The following SCAPER variants were observed in gnomAD, a reference collection of about 807,000 sequenced individuals.
SCAPER encodes the protein S phase cyclin A-associated protein in the endoplasmic reticulum.
SCAPER carries 98 observed loss-of-function variants against 182.2 expected under a neutral mutation model. The observed-to-expected ratio is 0.54, with a 90% CI of 0.46 to 0.64. The LOEUF (loss-of-function observed/expected upper bound fraction) is 0.64. SCAPER is among the 30% of genes least tolerant of loss of function. SCAPER has a pLI of 0.00. For missense variants in SCAPER, 1,432 were observed against 1,690.0 expected (o/e 0.85, Z 2.68); for synonymous variants, 605 against 564.6 (o/e 1.07, Z -1.01).
chr15:76,384,987 A>C (rs918938091), intron 27 of SCAPER, among the ~76,000 whole-genome samples: 3 of 152,230 alleles, frequency 2.0e-5, no homozygotes, highest in African/African-American at 7.2e-5. Flanking sequence ...TAAGATCTGA[A>C]ATTTTGTATA....
chr15:76,654,280 C>T (rs532374366), intron 21 of SCAPER, among the ~76,000 whole-genome samples: 15 of 152,098 alleles, frequency 9.9e-5, no homozygotes, highest in South Asian at 8.3e-4. Flanking sequence ...TGGTGGTGGG[C>T]GCCTGTAGTC....
chr15:76,394,950 G>A (rs1048393652), intron 27 of SCAPER, among the ~76,000 whole-genome samples: 1 of 151,896 alleles, frequency 6.6e-6, no homozygotes, highest in Non-Finnish European at 1.5e-5. Context: ...TCATTCTAAC[G>A]CTTTTATTTT....
In SCAPER at chr15:76,404,531, T is replaced by C. The variant is rs2044687122; in HGVS notation, c.3460A>G (p.Thr1154Ala). The C allele has an allele frequency of 6.2e-7, 1 of 1,600,988 alleles. No homozygotes were observed. The highest frequency in any genetic ancestry group is 1.3e-5 in the African/African-American group (1 of 74,614). ...ATCAAGTAGATGCCTTACCTTCCAG[T>C]GACAGCAAAGCACAGTGTACACATT... ...HAMCTLCFAV[T>A]GRSYSIFDNN... Residue 1154 changes from threonine (T) to alanine (A), a missense_variant, in exon 27 of 32, where the codon ACT (threonine) becomes GCT (alanine). Thr to Ala is a moderately conservative substitution (Grantham distance 58). Transcript: ENST00000563290.
At chr15:76,626,481 C>T (rs920222011) in intron 21 of SCAPER, among the ~76,000 whole-genome samples, 1 of 152,216 alleles carries the variant, frequency 6.6e-6, no homozygotes, top group African/African-American at 2.4e-5. Context: ...CTTTGAGAGG[C>T]TGAGGCGGGT....
intron 22 of SCAPER, among the ~76,000 whole-genome samples, chr15:76,595,326 G>C (rs2049414258): frequency 8.3e-6 from 1 of 121,118 alleles, no homozygotes; most frequent in Admixed American, 9.5e-5. Context: ...AGTTCTTAGA[G>C]ACGTACAAAG....
chr15:76,721,132 C>T (rs1415190504), intron 17 of SCAPER, among the ~76,000 whole-genome samples: 1 of 152,174 alleles, frequency 6.6e-6, no homozygotes, highest in Admixed American at 6.5e-5. Flanking sequence ...CCAGTTTCAG[C>T]TTTCTACATA....
intron 24 of SCAPER, among the ~76,000 whole-genome samples, chr15:76,483,769 T>C (rs1567236511): frequency 6.6e-6 from 1 of 152,156 alleles, no homozygotes; most frequent in Non-Finnish European, 1.5e-5. Flanking sequence ...TACATGTCAT[T>C]GAAGGATTAC....
chr15:76,462,672 A>C (rs1047900538), intron 25 of SCAPER, among the ~76,000 whole-genome samples: 1 of 152,134 alleles, frequency 6.6e-6, no homozygotes, highest in Non-Finnish European at 1.5e-5. Flanking sequence ...TCATTTAATT[A>C]TTTTAGGTGA....
At chr15:76,851,181 G>A (rs745925458) in intron 4 of SCAPER, among the ~76,000 whole-genome samples, 1 of 151,952 alleles carries the variant, frequency 6.6e-6, no homozygotes, top group Non-Finnish European at 1.5e-5. Flanking sequence ...CAAGAACTGT[G>A]GGATTGTGTA....
chr15:76,427,133 G>A (rs1369399085), intron 26 of SCAPER, among the ~76,000 whole-genome samples: 6 of 152,198 alleles, frequency 3.9e-5, no homozygotes, highest in South Asian at 2.1e-4. Context: ...AAACACAGAG[G>A]AAATGTTTCA....
At chr15:76,763,733 A>T (rs868601549) in intron 14 of SCAPER, among the ~76,000 whole-genome samples, 3 of 151,892 alleles carry the variant, frequency 2.0e-5, no homozygotes, top group Admixed American at 6.6e-5. Context: ...TGCTTCACTG[A>T]GTCTGTTGCT....
In SCAPER at chr15:76,841,763, C is replaced by T. The variant is rs756569337; in HGVS notation, c.364G>A (p.Glu122Lys). The change falls in exon 5 of 32, where the codon GAA (glutamate) becomes AAA (lysine). Residue 122 changes from glutamate to lysine, a missense_variant. Glu to Lys is a moderately conservative substitution (Grantham distance 56). Transcript: ENST00000563290. ...RAVDEIYVTCESDQSVVECKE... is the reference protein window; with the variant it reads ...RAVDEIYVTCKSDQSVVECKE... ...CATTCGACCACACTCTGATCTGATT[C>T]GCAAGTTACATAGATTTCATCTACT... 3.1e-6 allele frequency: 5 copies of T among 1,613,730 alleles called. No homozygotes were observed. The African/African-American group carries it at 4.0e-5, about 13-fold the overall frequency.
At position 76,795,419 on chromosome 15, in the gene SCAPER, T is replaced by G. The variant is rs185833829; in HGVS notation, c.633A>C (p.Pro211=). The G allele has an allele frequency of 2.4e-5, 39 of 1,604,142 alleles. No individual in the cohort carries two copies. In the African/African-American group the frequency reaches 3.9e-4, roughly 16 times the overall value. Residue 211 remains proline (P), a synonymous_variant, in exon 8 of 32, where the codon CCA becomes CCC. Coordinates refer to ENST00000563290, the MANE Select transcript of SCAPER (RefSeq NM_020843.4). ...LNFGGSTGTV[P]APRLAPTGVS... is the part of the protein sequence containing the mutation. Reference sequence around the variant, plus strand: ...CACCTGTGGGAGCCAGACGAGGAGCTGGCACTGTGCCAGTTGAACCTCTAT... The same window carrying G: ...CACCTGTGGGAGCCAGACGAGGAGCGGGCACTGTGCCAGTTGAACCTCTAT...
At chr15:76,635,139 C>T (rs1255613508) in intron 21 of SCAPER, among the ~76,000 whole-genome samples, 1 of 152,092 alleles carries the variant, frequency 6.6e-6, no homozygotes, top group African/African-American at 2.4e-5. Flanking sequence ...TAATTATTTA[C>T]CCAATTATTC....
At chr15:76,769,214 G>T (rs571360675) in intron 10 of SCAPER, among the ~76,000 whole-genome samples, 1 of 151,534 alleles carries the variant, frequency 6.6e-6, no homozygotes, top group Non-Finnish European at 1.5e-5. Context: ...AGGCCGAGGC[G>T]GGTGGATCAC....
chr15:76,378,588 T>C (rs2141913332), intron 28 of SCAPER, among the ~76,000 whole-genome samples: 1 of 152,360 alleles, frequency 6.6e-6, no homozygotes, highest in South Asian at 2.1e-4. Context: ...AAATGGTGTC[T>C]ATGTAGACAG....
At chr15:76,470,699 G>A (rs1430511038) in intron 25 of SCAPER, among the ~76,000 whole-genome samples, 1 of 152,134 alleles carries the variant, frequency 6.6e-6, no homozygotes, top group Non-Finnish European at 1.5e-5. Flanking sequence ...AAAATTTAAG[G>A]TGAAAATTGG....
rs185081022 is a variant in SCAPER, at chr15:76,352,909, T to C, written c.4047+1040A>G. Reference sequence around the variant, plus strand: ...TGTAGATCTAAATATCTAATTTAACTTTTTTTCCAGAAAATAAAACGTAGA... The same window carrying C: ...TGTAGATCTAAATATCTAATTTAACCTTTTTTCCAGAAAATAAAACGTAGA... On this transcript the variant is annotated intron_variant, in intron 30 of 31. Coordinates refer to ENST00000563290, the MANE Select transcript of SCAPER (RefSeq NM_020843.4). 2.9e-4 allele frequency among the ~76,000 whole-genome samples: 44 copies of C among 152,024 alleles called. 1 individual carries two copies. Among genetic ancestry groups the C allele is most frequent in the Non-Finnish European group, 6.0e-4 (41 of 68,004 alleles).
intron 24 of SCAPER, among the ~76,000 whole-genome samples, chr15:76,489,136 G>A (rs2052013004): frequency 6.7e-6 from 1 of 148,580 alleles, no homozygotes; most frequent in African/African-American, 2.5e-5. Context: ...ATAAAGCATT[G>A]CTATTAAAAA....
Sources: gnomAD v4.1 joint callset for allele counts (sites outside exome capture counted in the v4.1 genomes callset) on GRCh38, gnomAD v4.1.1 for gene constraint, MANE v1.5 for transcripts, NCBI Gene and HGNC (gene_info 2026-07-23, HGNC 2026-07-21) for gene names.